Variants in PVT1 observed in about 807,000 individuals in gnomAD.
PVT1 encodes the protein Pvt1 oncogene, also known as CXCR4/PVT1 fusion.
intron 2 of PVT1, among the ~76,000 whole-genome samples, chr8:127,865,931 C>G (rs527915263): frequency 6.6e-6 from 1 of 152,308 alleles, no homozygotes; most frequent in Admixed American, 6.5e-5. Flanking sequence ...AGTTGGGCCA[C>G]TGAAGCTGCC....
chr8:128,021,015 G>C (rs1817426586), intron 4 of PVT1, among the ~76,000 whole-genome samples: 1 of 152,048 alleles, frequency 6.6e-6, no homozygotes, highest in Non-Finnish European at 1.5e-5. Flanking sequence ...CTGCAATGTG[G>C]GCCTTGGCTT....
intron 4 of PVT1, among the ~76,000 whole-genome samples, chr8:128,033,255 G>C (rs1386126896): frequency 1.3e-5 from 2 of 152,210 alleles, no homozygotes; most frequent in African/African-American, 4.8e-5. Flanking sequence ...CTTTATCAAG[G>C]TTGCCTAACA....
chr8:127,828,734 G>A (rs1227990785), intron 2 of PVT1, among the ~76,000 whole-genome samples: 4 of 151,754 alleles, frequency 2.6e-5, no homozygotes, highest in Admixed American at 6.6e-5. Context: ...GTGCAGGTCC[G>A]CCCCCCCAGA....
At chr8:128,091,400 C>A (rs1286577799) in intron 5 of PVT1, among the ~76,000 whole-genome samples, 6 of 152,160 alleles carry the variant, frequency 3.9e-5, no homozygotes, top group African/African-American at 1.4e-4. Context: ...GCTGGAGAAG[C>A]CTGACCTTTA....
Position 127,864,526 on chromosome 8 carries a change from A to G in PVT1, n.373-26063A>G, listed in dbSNP as rs536515692. ...TTTTCCTGTTGCTTTTCACACGGAC[A>G]TGTGTTGAATGTGGCAGGATATTTC... is the stretch of plus-strand genomic sequence containing the variant. On this transcript the variant is annotated intron_variant and non_coding_transcript_variant, in intron 2 of 10. Coordinates refer to ENST00000651587, the Ensembl canonical transcript of PVT1. 1.4e-4 allele frequency among the ~76,000 whole-genome samples: 21 copies of G among 151,758 alleles called. No homozygotes were observed. The East Asian group carries it at 4.1e-3, about 29-fold the overall frequency.
intron 2 of PVT1, among the ~76,000 whole-genome samples, chr8:127,866,786 G>A (rs1446436556): frequency 1.3e-5 from 2 of 152,164 alleles, no homozygotes; most frequent in Non-Finnish European, 2.9e-5. Flanking sequence ...TTAGTACACA[G>A]GGAAGATCTT....
intron 2 of PVT1, among the ~76,000 whole-genome samples, chr8:127,798,559 G>A (rs1454047164): frequency 6.6e-6 from 1 of 151,656 alleles, no homozygotes; most frequent in Admixed American, 6.6e-5. Flanking sequence ...ATGGGTAGAG[G>A]TCAGAACCCT....
chr8:128,028,753 G>A (rs990000780), intron 4 of PVT1, among the ~76,000 whole-genome samples: 2 of 152,184 alleles, frequency 1.3e-5, no homozygotes, highest in Admixed American at 6.5e-5. Context: ...ATATGTGGGG[G>A]ATCATCATTC....
intron 4 of PVT1, among the ~76,000 whole-genome samples, chr8:128,004,292 T>C (rs1817220751): frequency 6.6e-6 from 1 of 152,222 alleles, no homozygotes; most frequent in South Asian, 2.1e-4. Context: ...GTCCTTGTAA[T>C]CCAGCCAGTT....
At chr8:127,998,185 T>A (rs1333405467) in intron 4 of PVT1, 2 of 152,238 alleles carry the variant, frequency 1.3e-5, no homozygotes, top group African/African-American at 4.8e-5. Flanking sequence ...TCCCTTTTTA[T>A]ATTAAACTCT....
At chr8:127,904,804 A>T (rs1280119460) in intron 3 of PVT1, among the ~76,000 whole-genome samples, 3 of 152,232 alleles carry the variant, frequency 2.0e-5, no homozygotes, top group Admixed American at 1.3e-4. Flanking sequence ...TGTGGGGCTC[A>T]GTGCAAAATG....
At position 128,055,377 on chromosome 8, in the gene PVT1, C is replaced by T. The variant is rs2720663; in HGVS notation, n.913-14783C>T. On this transcript the variant is annotated intron_variant and non_coding_transcript_variant, in intron 4 of 10. Coordinates refer to ENST00000651587, the Ensembl canonical transcript of PVT1. ...GGGTAAGTTACTTAACTTTTCCGGG[C>T]TTAAGTCTCCTTATCAATAAAATGG... Among the ~76,000 whole-genome samples, 589 of 152,296 alleles carry T rather than the reference C, an allele frequency of 3.9e-3. 5 individuals carry two copies. Among genetic ancestry groups the T allele is most frequent in the East Asian group, 0.021 (107 of 5,182 alleles).
chr8:127,875,253 G>A (rs1815392872), intron 2 of PVT1, among the ~76,000 whole-genome samples: 2 of 152,102 alleles, frequency 1.3e-5, no homozygotes, highest in Non-Finnish European at 2.9e-5. Flanking sequence ...AGAGCCAGGA[G>A]GGTACACAGA....
At chr8:127,913,398 C>A (rs1288186342) in intron 3 of PVT1, among the ~76,000 whole-genome samples, 1 of 152,196 alleles carries the variant, frequency 6.6e-6, no homozygotes, top group Non-Finnish European at 1.5e-5. Context: ...CCAGTATAGG[C>A]CCTCCCATGT....
intron 3 of PVT1, among the ~76,000 whole-genome samples, chr8:127,920,910 T>A (rs1477975330): frequency 6.6e-6 from 1 of 152,224 alleles, no homozygotes; most frequent in African/African-American, 2.4e-5. Flanking sequence ...CTTGTGAGTG[T>A]GTATTTTGCA....
intron 2 of PVT1, among the ~76,000 whole-genome samples, chr8:127,807,924 C>A (rs6994650): frequency 0.43 from 64,744 of 151,706 alleles, 13,960 homozygotes; most frequent in Non-Finnish European, 0.44. Flanking sequence ...CCTGCTACCA[C>A]GCCCGGTTAA....
chr8:127,946,090 A>G (rs1816416714), intron 3 of PVT1, among the ~76,000 whole-genome samples: 2 of 152,238 alleles, frequency 1.3e-5, no homozygotes, highest in Admixed American at 6.5e-5. Flanking sequence ...AGACCCAGGA[A>G]AAACACTGCA....
intron 2 of PVT1, among the ~76,000 whole-genome samples, chr8:127,878,043 A>G (rs1362775271): frequency 6.6e-6 from 1 of 152,192 alleles, no homozygotes; most frequent in African/African-American, 2.4e-5. Context: ...CTGTTCTGTA[A>G]AGAACTGTCA....
intron 3 of PVT1, among the ~76,000 whole-genome samples, chr8:127,978,302 A>G (rs1477388642): frequency 4.0e-5 from 6 of 151,304 alleles, no homozygotes; most frequent in Non-Finnish European, 8.8e-5. Context: ...ATAGGTGTGT[A>G]CCACCATACC....
Sources: gnomAD v4.1 joint callset for allele counts (sites outside exome capture counted in the v4.1 genomes callset) on GRCh38, gnomAD v4.1.1 for gene constraint, MANE v1.5 for transcripts, NCBI Gene and HGNC (gene_info 2026-07-23, HGNC 2026-07-21) for gene names.